KIRREL3: variants seen among roughly 807,000 people sequenced by gnomAD.
KIRREL3 encodes the protein kirre like nephrin family adhesion molecule 3, also known as kin of IRRE-like protein 3.
A neutral mutation model predicts 89.7 loss-of-function variants in KIRREL3; 36 were observed. The observed-to-expected ratio is 0.40, with a 90% CI of 0.31 to 0.53. KIRREL3 has a LOEUF of 0.53. Ranked by LOEUF, KIRREL3 falls within the 20% of genes least tolerant of loss-of-function variation. The pLI is 0.49. For synonymous variants in KIRREL3, 445 were observed against 441.4 expected (o/e 1.01, Z -0.10); for missense variants, 864 against 1,056.6 (o/e 0.82, Z 2.53).
In KIRREL3 at chr11:126,620,844, G is replaced by A. The variant is rs560320467; in HGVS notation, c.56-57932C>T. 6.6e-6 allele frequency among the ~76,000 whole-genome samples: 1 copy of A among 152,296 alleles called. No individual in the cohort carries two copies. Among genetic ancestry groups the A allele is most frequent in the South Asian group, 2.1e-4 (1 of 4,814 alleles). ...TCTTCTTGGAGCAGCAACTAGTGAG[G>A]AAGGCCGTACCCCACTTGCTGGATG... On this transcript the variant is annotated intron_variant, in intron 1 of 16. Transcript: ENST00000525144. This position sits in a 1 kb window ranked among gnomAD's most constrained non-coding sequence, Gnocchi z 4.8.
chr11:126,726,711 C>A (rs966187505), intron 1 of KIRREL3, among the ~76,000 whole-genome samples: 1 of 152,192 alleles, frequency 6.6e-6, no homozygotes, highest in Admixed American at 6.5e-5. Context: ...TCCAGTCTAC[C>A]TTTCCAGCTG....
intron 1 of KIRREL3, among the ~76,000 whole-genome samples, chr11:126,956,818 T>C (rs1860233118): frequency 6.6e-6 from 1 of 152,214 alleles, no homozygotes; most frequent in East Asian, 1.9e-4. Context: ...CGTTATGGCC[T>C]GCTGACTCCT....
intron 1 of KIRREL3, among the ~76,000 whole-genome samples, chr11:126,785,074 T>G (rs77164526): frequency 6.6e-6 from 1 of 152,060 alleles, no homozygotes; most frequent in African/African-American, 2.4e-5. Context: ...ATTTTGCCTG[T>G]GAAGATGAAG....
rs1227825337 is a variant in KIRREL3, at chr11:126,924,941, G to GTGTGTT, written c.55+75508_55+75513dup. On this transcript the variant is annotated intron_variant, in intron 1 of 16. Transcript: ENST00000525144. This position sits in a 1 kb window ranked among gnomAD's most constrained non-coding sequence, Gnocchi z 4.7. ...TGTGTACATGCTTATGTGTGTGTGTGTGTGTTGCAGTGGAGGAGGTTGGGA... is the reference window on the plus strand; with the variant it reads ...TGTGTACATGCTTATGTGTGTGTGTGTGTGTTTGTGTTGCAGTGGAGGAGGTTGGGA... 1.3e-5 allele frequency among the ~76,000 whole-genome samples: 2 copies of GTGTGTT among 150,196 alleles called. No individual in the cohort carries two copies. Among genetic ancestry groups the GTGTGTT allele is most frequent in the African/African-American group, 4.9e-5 (2 of 40,524 alleles).
chr11:126,972,538 C>T (rs1321439876), intron 1 of KIRREL3, among the ~76,000 whole-genome samples: 1 of 152,166 alleles, frequency 6.6e-6, no homozygotes, highest in African/African-American at 2.4e-5. Flanking sequence ...GCAGAGCTGG[C>T]TGCTGTGGAA....
At position 126,723,200 on chromosome 11, in the gene KIRREL3, T is replaced by C. The variant is rs1417663501; in HGVS notation, c.56-160288A>G. ...TGCAGCCCTGACACATTGCAGGTAC[T>C]TAGCATACAGAGCTGGATTTCCCCC... On this transcript the variant is annotated intron_variant, in intron 1 of 16. Transcript: ENST00000525144. The surrounding 1 kb of genome is among the most constrained non-coding windows in gnomAD (Gnocchi z 4.0). Among the ~76,000 whole-genome samples, 1 of 122,872 alleles carries C rather than the reference T, an allele frequency of 8.1e-6. No individual in the cohort carries two copies. Among genetic ancestry groups the C allele is most frequent in the African/African-American group, 2.6e-5 (1 of 38,006 alleles). The allele number at this position is 122,872 out of a possible 152,430, so 80.6% of individuals were successfully genotyped here.
chr11:126,759,935 T>C (rs2134265719), intron 1 of KIRREL3, among the ~76,000 whole-genome samples: 1 of 152,332 alleles, frequency 6.6e-6, no homozygotes, highest in East Asian at 1.9e-4. Context: ...CCTGAGTACC[T>C]AGGCTTCCTA....
In KIRREL3 at chr11:126,917,464, A is replaced by G. The variant is rs767048200; in HGVS notation, c.55+82991T>C. ...GTTAAAATGTCAAATTTCATGTTGTATATATTTTACCACAATAAAAAAATT... is the reference window on the plus strand; with the variant it reads ...GTTAAAATGTCAAATTTCATGTTGTGTATATTTTACCACAATAAAAAAATT... On this transcript the variant is annotated intron_variant, in intron 1 of 16. Coordinates refer to ENST00000525144, the MANE Select transcript of KIRREL3 (RefSeq NM_032531.4). This position sits in a 1 kb window ranked among gnomAD's most constrained non-coding sequence, Gnocchi z 5.0. Among the ~76,000 whole-genome samples, 11 of 151,940 alleles carry G rather than the reference A, an allele frequency of 7.2e-5. No homozygotes were observed. Among genetic ancestry groups the G allele is most frequent in the Non-Finnish European group, 1.2e-4 (8 of 68,024 alleles).
Position 126,976,669 on chromosome 11 carries a change from T to C in KIRREL3, c.55+23786A>G, listed in dbSNP as rs540336495. On this transcript the variant is annotated intron_variant, in intron 1 of 16. Coordinates refer to ENST00000525144, the MANE Select transcript of KIRREL3 (RefSeq NM_032531.4). The surrounding 1 kb of genome is among the most constrained non-coding windows in gnomAD (Gnocchi z 4.2). ...ATAAGCATCATCATTATTATAGTGA[T>C]AGTTAATATTTATTGAATTTTTCTA... Among the ~76,000 whole-genome samples the C allele has an allele frequency of 1.3e-5, 2 of 152,312 alleles. No individual in the cohort carries two copies. Among genetic ancestry groups the C allele is most frequent in the East Asian group, 1.9e-4 (1 of 5,186 alleles).
chr11:126,650,917 A>G (rs1417760187), intron 1 of KIRREL3, among the ~76,000 whole-genome samples: 2 of 152,246 alleles, frequency 1.3e-5, no homozygotes, highest in Non-Finnish European at 2.9e-5. Context: ...AGATCTCAGA[A>G]TCATGGCAGG....
intron 6 of KIRREL3, among the ~76,000 whole-genome samples, chr11:126,460,806 C>T (rs1021655707): frequency 6.6e-6 from 1 of 152,208 alleles, no homozygotes; most frequent in Non-Finnish European, 1.5e-5. Flanking sequence ...ATGCCTGGAG[C>T]AGGAAACTGC....
chr11:126,455,797 AAAACAAACAAAGAAACAAAC>A lies in KIRREL3; in HGVS notation c.848+532_848+551del, dbSNP rs1956317515. Among the ~76,000 whole-genome samples the A allele has an allele frequency of 6.6e-6, 1 of 152,190 alleles. No individual in the cohort carries two copies. Among genetic ancestry groups the A allele is most frequent in the African/African-American group, 2.4e-5 (1 of 41,534 alleles). ...GGGTGACAGAGCGAGACTCTGTCTCAAAACAAACAAAGAAACAAACAAACAAACAAACCAACAAACCAAAC... is the reference window on the plus strand; with the variant it reads ...GGGTGACAGAGCGAGACTCTGTCTCAAAACAAACAAACCAACAAACCAAAC... On this transcript the variant is annotated intron_variant, in intron 7 of 16. Transcript: ENST00000525144. The surrounding 1 kb of genome is among the most constrained non-coding windows in gnomAD (Gnocchi z 6.4).
chr11:126,446,283 C>CTCTCTCT (rs1555106433), intron 9 of KIRREL3, among the ~76,000 whole-genome samples: 1 of 116,528 alleles, frequency 8.6e-6, no homozygotes, highest in Non-Finnish European at 1.8e-5. Flanking sequence ...TCTTTTCTTT[C>CTCTCTCT]TCCTTTCTTT....
rs1257375175 is a variant in KIRREL3 at position 126,575,224 on chromosome 11, T to C, written c.56-12312A>G. Among the ~76,000 whole-genome samples the C allele has an allele frequency of 6.6e-6, 1 of 152,194 alleles. No individual in the cohort carries two copies. Among genetic ancestry groups the C allele is most frequent in the Non-Finnish European group, 1.5e-5 (1 of 68,036 alleles). On this transcript the variant is annotated intron_variant, in intron 1 of 16. Coordinates refer to ENST00000525144, the MANE Select transcript of KIRREL3 (RefSeq NM_032531.4). The surrounding 1 kb of genome is among the most constrained non-coding windows in gnomAD (Gnocchi z 7.0). Reference sequence around the variant, plus strand: ...TCTATGCTACCCTGGCTTGAAGCTTTGGACAGTCGGGGCAGGTTCTCTCTT... The same window carrying C: ...TCTATGCTACCCTGGCTTGAAGCTTCGGACAGTCGGGGCAGGTTCTCTCTT...
chr11:126,911,674 G>A (rs1180669424), intron 1 of KIRREL3, among the ~76,000 whole-genome samples: 1 of 152,276 alleles, frequency 6.6e-6, no homozygotes, highest in South Asian at 2.1e-4. Flanking sequence ...GGCCCCAGCA[G>A]ATGGTGGGAT....
intron 1 of KIRREL3, among the ~76,000 whole-genome samples, chr11:126,846,872 TA>T (rs1944160986): frequency 4.6e-5 from 7 of 152,244 alleles, no homozygotes; most frequent in Middle Eastern, 6.8e-3. Flanking sequence ...ATTAGTCTTG[TA>T]AAAAAATTGT....
chr11:126,538,365 C>T (rs1938085412), intron 2 of KIRREL3, among the ~76,000 whole-genome samples: 1 of 152,170 alleles, frequency 6.6e-6, no homozygotes, highest in South Asian at 2.1e-4. Flanking sequence ...AGGGAAGCTG[C>T]CCCTCCAGAG....
At position 126,924,648 on chromosome 11, in the gene KIRREL3, T is replaced by G. The variant is rs760542887; in HGVS notation, c.55+75807A>C. Among the ~76,000 whole-genome samples the G allele has an allele frequency of 2.6e-5, 4 of 151,978 alleles. No individual in the cohort carries two copies. The highest frequency in any genetic ancestry group is 4.4e-5 in the Non-Finnish European group (3 of 67,998). On this transcript the variant is annotated intron_variant, in intron 1 of 16. Coordinates refer to ENST00000525144, the MANE Select transcript of KIRREL3 (RefSeq NM_032531.4). The surrounding 1 kb of genome is among the most constrained non-coding windows in gnomAD (Gnocchi z 4.7). ...CTGTTGGGGGATTTGGAAGAAGTGTTAAAGAAAAAGGAGCAGCTTTGCTCT... is the reference window on the plus strand; with the variant it reads ...CTGTTGGGGGATTTGGAAGAAGTGTGAAAGAAAAAGGAGCAGCTTTGCTCT...
chr11:126,804,545 G>A (rs575826600), intron 1 of KIRREL3, among the ~76,000 whole-genome samples: 28 of 152,254 alleles, frequency 1.8e-4, no homozygotes, highest in Non-Finnish European at 3.2e-4. Context: ...TGAGTCCTCC[G>A]CTGAACTTCA....
Sources: allele counts gnomAD v4.1 joint callset (sites outside exome capture counted in the v4.1 genomes callset), GRCh38; gene constraint gnomAD v4.1.1; non-coding constraint Gnocchi (gnomAD v3.1); transcripts MANE v1.5; gene names NCBI Gene and HGNC (gene_info 2026-07-23, HGNC 2026-07-21).